HCRTR2: variants seen among roughly 807,000 people sequenced by gnomAD.
The protein encoded by HCRTR2 is orexin receptor type 2.
A neutral mutation model predicts 49.0 loss-of-function variants in HCRTR2; 22 were observed. That is an observed-to-expected ratio of 0.45 (90% CI 0.32 to 0.64). HCRTR2 has a LOEUF of 0.64. Ranked by LOEUF, HCRTR2 falls within the 30% of genes least tolerant of loss-of-function variation. The pLI, the probability that HCRTR2 is intolerant of heterozygous loss-of-function variation, is 0.04. For missense variants in HCRTR2, 491 were observed against 559.4 expected, an observed-to-expected ratio of 0.88 and a Z score of 1.23; for synonymous variants, 236 against 205.3, an observed-to-expected ratio of 1.15 and a Z score of -1.28.
chr6:55,107,800 A>C (rs1404847757), intron 1 of HCRTR2, among the ~76,000 whole-genome samples: 1 of 152,088 alleles, frequency 6.6e-6, no homozygotes, highest in Non-Finnish European at 1.5e-5. Flanking sequence ...CCATCTACTC[A>C]TTGTAATTAG....
chr6:55,187,202 C>T (rs376269596), intron 1 of HCRTR2, among the ~76,000 whole-genome samples: 4 of 151,618 alleles, frequency 2.6e-5, no homozygotes, highest in Admixed American at 6.6e-5. Flanking sequence ...TTCAAGAGAT[C>T]GAGACCATCC....
rs1764859846 is a variant in HCRTR2 at position 55,165,225 on chromosome 6, G to A, written c.-377-8986G>A. ...AGTTACTGGCCTTAAAAAGGAAGGA[G>A]AGAGAGAGAGAGAGTGGGATAGGGG... On this transcript the variant is annotated intron_variant, in intron 1 of 7. Transcript: ENST00000615358. 2.7e-5 allele frequency among the ~76,000 whole-genome samples: 3 copies of A among 111,292 alleles called. No individual in the cohort carries two copies. The South Asian group carries it at 8.0e-4, about 30-fold the overall frequency. The allele number at this position is 111,292 out of a possible 152,430, so 73.0% of individuals were successfully genotyped here.
intron 1 of HCRTR2, among the ~76,000 whole-genome samples, chr6:55,183,797 G>T (rs889660356): frequency 5.9e-5 from 9 of 151,712 alleles, no homozygotes; most frequent in Non-Finnish European, 1.3e-4. Flanking sequence ...ACAAAACAAA[G>T]AAAGAAAAAC....
Position 55,282,562 on chromosome 6 carries a change from TC to T in HCRTR2, c.*109del, listed in dbSNP as rs1414746731. The T allele has an allele frequency of 4.4e-5, 30 of 676,958 alleles. No individual in the cohort carries two copies. Among genetic ancestry groups the T allele is most frequent in the Non-Finnish European group, 5.9e-5 (23 of 389,020 alleles). 41.9% of individuals were successfully genotyped at this position (676,958 alleles called of 1,614,324 possible). On this transcript the variant is annotated 3_prime_UTR_variant, in exon 7 of 7. Transcript: ENST00000370862. Reference sequence around the variant, plus strand: ...ATGTGAAGCTAAAATTACTTGTGGATCTTTTTTTTTTTTAATCTATTGCTCT... The same window carrying T: ...ATGTGAAGCTAAAATTACTTGTGGATTTTTTTTTTTTTAATCTATTGCTCT...
At chr6:55,218,472 G>A (rs1314734644) in intron 1 of HCRTR2, among the ~76,000 whole-genome samples, 3 of 152,144 alleles carry the variant, frequency 2.0e-5, no homozygotes, top group Non-Finnish European at 4.4e-5. Context: ...TTAGCTGACT[G>A]GATTTAAAAA....
At chr6:55,163,425 G>A (rs555091445) in intron 1 of HCRTR2, among the ~76,000 whole-genome samples, 1 of 152,120 alleles carries the variant, frequency 6.6e-6, no homozygotes, top group African/African-American at 2.4e-5. Flanking sequence ...TATGAAAACA[G>A]ATATATAGAC....
At chr6:55,170,266 A>C (rs1292313178), upstream of HCRTR2, among the ~76,000 whole-genome samples, 1 of 148,640 alleles carries the variant, frequency 6.7e-6, no homozygotes, top group Non-Finnish European at 1.5e-5. Context: ...ATATAAATAT[A>C]TTGTATTTAT....
At chr6:55,112,239 G>A (rs371842163) in intron 1 of HCRTR2, among the ~76,000 whole-genome samples, 1 of 151,756 alleles carries the variant, frequency 6.6e-6, no homozygotes, top group East Asian at 1.9e-4. Context: ...GAAGCAAGGT[G>A]AGGATGCCAA....
At chr6:55,254,488 A>C (rs1766612447) in intron 2 of HCRTR2, among the ~76,000 whole-genome samples, 1 of 152,156 alleles carries the variant, frequency 6.6e-6, no homozygotes, top group Non-Finnish European at 1.5e-5. Context: ...AGTTTTTGGA[A>C]TCACATTGAC....
intron 1 of HCRTR2, among the ~76,000 whole-genome samples, chr6:55,155,069 A>T (rs941647838): frequency 1.3e-5 from 2 of 151,936 alleles, no homozygotes; most frequent in African/African-American, 2.4e-5. Flanking sequence ...CTGATAAAAA[A>T]ATTAAAGAAG....
At chr6:55,193,571 AC>A (rs1243911703) in intron 1 of HCRTR2, among the ~76,000 whole-genome samples, 1 of 150,758 alleles carries the variant, frequency 6.6e-6, no homozygotes, top group African/African-American at 2.4e-5. Flanking sequence ...CAAGCATCAA[AC>A]CTTGGGATTT....
chr6:55,117,472 A>G (rs895636528), intron 1 of HCRTR2, among the ~76,000 whole-genome samples: 40 of 151,776 alleles, frequency 2.6e-4, no homozygotes, highest in Admixed American at 4.6e-4. Flanking sequence ...GGTACATGTG[A>G]TATTTTGCAT....
chr6:55,236,946 C>T (rs771097641), intron 1 of HCRTR2, among the ~76,000 whole-genome samples: 5 of 152,114 alleles, frequency 3.3e-5, no homozygotes, highest in Non-Finnish European at 7.4e-5. Context: ...AGAATCCAAT[C>T]ACAGGTATAA....
intron 1 of HCRTR2, among the ~76,000 whole-genome samples, chr6:55,163,343 G>T (rs1251414742): frequency 6.6e-6 from 1 of 151,756 alleles, no homozygotes; most frequent in Non-Finnish European, 1.5e-5. Flanking sequence ...AAAGAACATA[G>T]CTGGAGGCAT....
In HCRTR2 at chr6:55,131,266, A is replaced by AT. The variant is rs1318154069; in HGVS notation, c.-378+24725dup. ...TACACAGTAGTTCCCCTTTTATAAG[A>AT]TTTTACCTTTTCAGATTTTACCTGT... On this transcript the variant is annotated intron_variant, in intron 1 of 7. Transcript: ENST00000615358. 3.3e-5 allele frequency among the ~76,000 whole-genome samples: 5 copies of AT among 151,838 alleles called. No homozygotes were observed. In the East Asian group the frequency reaches 9.7e-4, roughly 29 times the overall value.
At chr6:55,160,483 A>G (rs1764790289) in intron 1 of HCRTR2, among the ~76,000 whole-genome samples, 2 of 152,180 alleles carry the variant, frequency 1.3e-5, no homozygotes, top group African/African-American at 4.8e-5. Flanking sequence ...TTCACACATA[A>G]CGATATTAAC....
intron 1 of HCRTR2, among the ~76,000 whole-genome samples, chr6:55,177,983 T>C (rs1249277726): frequency 6.6e-6 from 1 of 152,166 alleles, no homozygotes; most frequent in East Asian, 1.9e-4. Context: ...CTTTTCAGTA[T>C]CTTCAGAATA....
chr6:55,194,133 T>G (rs1389589727), intron 1 of HCRTR2, among the ~76,000 whole-genome samples: 3 of 152,182 alleles, frequency 2.0e-5, no homozygotes, highest in Non-Finnish European at 4.4e-5. Flanking sequence ...ACATTTGTAT[T>G]AACTTTCTTA....
intron 1 of HCRTR2, among the ~76,000 whole-genome samples, chr6:55,187,034 T>A (rs1260557874): frequency 6.6e-6 from 1 of 152,114 alleles, no homozygotes; most frequent in African/African-American, 2.4e-5. Context: ...TAATCCCATC[T>A]AATTCTGCCT....
Sources: gnomAD v4.1 joint callset for allele counts (sites outside exome capture counted in the v4.1 genomes callset) on GRCh38, gnomAD v4.1.1 for gene constraint, MANE v1.5 for transcripts, NCBI Gene and HGNC (gene_info 2026-07-23, HGNC 2026-07-21) for gene names.